DET1: variants seen among roughly 807,000 people sequenced by gnomAD.
The protein encoded by DET1 is DET1 partner of COP1 E3 ubiquitin ligase, also known as DET1 homolog.
DET1 carries 22 observed loss-of-function variants against 43.7 expected under a neutral mutation model. The observed-to-expected ratio is 0.50, with a 90% CI of 0.36 to 0.72. The LOEUF is 0.72. Ranked by LOEUF, DET1 falls within the 30% of genes least tolerant of loss-of-function variation. The probability of loss-of-function intolerance (pLI) is 0.00; values close to 1 mark genes in which losing one functional copy is unlikely to be tolerated. For missense variants in DET1, 713 were observed against 713.3 expected (o/e 1.00, Z 0.00); for synonymous variants, 315 against 266.2 (o/e 1.18, Z -1.79).
Position 88,512,576 on chromosome 15 carries a change from A to C in DET1, c.*375T>G. On this transcript the variant is annotated 3_prime_UTR_variant, in exon 5 of 5. Coordinates refer to ENST00000268148, the MANE Select transcript of DET1 (RefSeq NM_001144074.3). Reference sequence around the variant, plus strand: ...GGATGTATGTCATTCTCATCAGTAAACAAGATTTAACTGCTTTCAGATGCA... The same window carrying C: ...GGATGTATGTCATTCTCATCAGTAACCAAGATTTAACTGCTTTCAGATGCA... 3.0e-6 allele frequency: 3 copies of C among 1,011,618 alleles called. No individual in the cohort carries two copies. Among genetic ancestry groups the C allele is most frequent in the Non-Finnish European group, 3.5e-6 (3 of 846,892 alleles). 62.7% of individuals were successfully genotyped at this position (1,011,618 alleles called of 1,614,324 possible). A position where few individuals can be genotyped will look rare whatever the true frequency, so the allele number is the denominator to read the frequency against.
At chr15:88,541,987 G>T (rs979415395) in intron 1 of DET1, among the ~76,000 whole-genome samples, 41 of 152,148 alleles carry the variant, frequency 2.7e-4, no homozygotes, top group African/African-American at 9.2e-4. Context: ...TCCTCCAGGT[G>T]ATGAGCGCTC....
intron 2 of DET1, among the ~76,000 whole-genome samples, chr15:88,530,048 T>C (rs1434999255): frequency 6.6e-6 from 1 of 152,222 alleles, no homozygotes; most frequent in East Asian, 1.9e-4. Flanking sequence ...TTCACTGCTC[T>C]ACAACCTATG....
chr15:88,540,286 C>G (rs1403436080), intron 1 of DET1, among the ~76,000 whole-genome samples: 2 of 151,972 alleles, frequency 1.3e-5, no homozygotes, highest in Non-Finnish European at 2.9e-5. Context: ...GCCTCTAGTC[C>G]CCCTCCCTCA....
chr15:88,508,131 A>C (rs1023427089), downstream of DET1, among the ~76,000 whole-genome samples: 11 of 152,244 alleles, frequency 7.2e-5, no homozygotes, highest in African/African-American at 2.7e-4. Context: ...GTCTAGTTGC[A>C]GGAAAACAAG....
At chr15:88,528,801 C>T (rs2056736113) in intron 2 of DET1, among the ~76,000 whole-genome samples, 2 of 152,208 alleles carry the variant, frequency 1.3e-5, no homozygotes, top group African/African-American at 4.8e-5. Context: ...TTCGACCCAC[C>T]TGTTTTACTA....
chr15:88,517,196 T>G (rs1004351722), intron 3 of DET1, among the ~76,000 whole-genome samples: 9 of 151,736 alleles, frequency 5.9e-5, no homozygotes, highest in African/African-American at 2.2e-4. Flanking sequence ...AAACAACAAA[T>G]TACTTTAGAA....
chr15:88,509,107 A>G (rs2056171124), downstream of DET1, among the ~76,000 whole-genome samples: 1 of 152,220 alleles, frequency 6.6e-6, no homozygotes, highest in Non-Finnish European at 1.5e-5. Context: ...GCGAGTTCCC[A>G]CCTGATTCTA....
chr15:88,511,330 GCA>G (rs1216468667), downstream of DET1: 1 of 882,544 alleles, frequency 1.1e-6, no homozygotes, highest in Non-Finnish European at 1.4e-6. Context: ...CTAGCAACCT[GCA>G]CAAGACCTCT....
chr15:88,538,097 G>A (rs1452267521), intron 1 of DET1, among the ~76,000 whole-genome samples: 1 of 152,152 alleles, frequency 6.6e-6, no homozygotes, highest in Non-Finnish European at 1.5e-5. Context: ...GGTACTTTAT[G>A]GAACGAAAGA....
intron 3 of DET1, among the ~76,000 whole-genome samples, chr15:88,522,810 G>A (rs926024538): frequency 6.0e-5 from 9 of 151,142 alleles, no homozygotes; most frequent in Non-Finnish European, 1.2e-4. Flanking sequence ...GAGCCACCGC[G>A]CACCCGGCTG....
chr15:88,545,003 C>A (rs924461158), intron 1 of DET1, among the ~76,000 whole-genome samples: 31 of 152,050 alleles, frequency 2.0e-4, no homozygotes, highest in Non-Finnish European at 5.9e-5. Context: ...AAAAGAACTC[C>A]AAAATGTTGA....
In DET1 at chr15:88,504,953, A is replaced by G. The variant is rs1030967; in HGVS notation, c.*2066-966T>C. The G allele has an allele frequency of 0.69, 105,280 of 151,654 alleles. 36,778 individuals are homozygous for G. Among genetic ancestry groups the G allele is most frequent in the South Asian group, 0.84 (4,046 of 4,820 alleles). The allele number at this position is 151,654 out of a possible 1,614,324, so 9.4% of individuals were successfully genotyped here. On this transcript the variant is annotated intron_variant and NMD_transcript_variant, in intron 7 of 8. Coordinates refer to the DET1 transcript ENST00000557842. This position sits in a 1 kb window ranked among gnomAD's most constrained non-coding sequence, Gnocchi z 4.7. The stretch of plus-strand genomic sequence containing the variant: ...ATGCGTATAACAAATTTCTTTCTTC[A>G]TGACAGTCATTTCGCGTGTGCCTTC...
At chr15:88,542,684 C>T (rs1228745644) in intron 1 of DET1, among the ~76,000 whole-genome samples, 2 of 152,030 alleles carry the variant, frequency 1.3e-5, no homozygotes, top group Non-Finnish European at 2.9e-5. Context: ...CTGAAAAGGC[C>T]GCTGATAAAG....
intron 1 of DET1, among the ~76,000 whole-genome samples, chr15:88,533,432 T>C (rs879386766): frequency 6.6e-6 from 1 of 152,200 alleles, no homozygotes; most frequent in South Asian, 2.1e-4. Context: ...TACTTCTGGG[T>C]ATAAATCCAA....
intron 1 of DET1, among the ~76,000 whole-genome samples, chr15:88,536,770 C>CA (rs58177778): frequency 0.03 from 1,446 of 47,778 alleles, 34 homozygotes; most frequent in East Asian, 0.06. Flanking sequence ...GACTCCATCT[C>CA]AAAAAAAAAA....
intron 3 of DET1, among the ~76,000 whole-genome samples, chr15:88,525,918 C>T (rs2056651886): frequency 6.7e-6 from 1 of 150,306 alleles, no homozygotes; most frequent in Admixed American, 6.7e-5. Context: ...TCAAGCAATC[C>T]ACCTGGCTTG....
downstream of DET1, among the ~76,000 whole-genome samples, chr15:88,507,555 C>T (rs1409521952): frequency 6.6e-6 from 1 of 152,222 alleles, no homozygotes; most frequent in Non-Finnish European, 1.5e-5. Flanking sequence ...GTCCCATACT[C>T]TTTGCTAGTG....
At chr15:88,537,027 G>T (rs2056970617) in intron 1 of DET1, among the ~76,000 whole-genome samples, 1 of 152,028 alleles carries the variant, frequency 6.6e-6, no homozygotes, top group African/African-American at 2.4e-5. Context: ...TTCTGAAAAG[G>T]TTCCAAATGC....
intron 1 of DET1, chr15:88,532,049 C>A (rs2056829516): frequency 1.6e-5 from 3 of 183,936 alleles, no homozygotes; most frequent in Admixed American, 1.1e-4. Flanking sequence ...CACCTGTAAT[C>A]CCAACACTTT....
Sources: allele counts gnomAD v4.1 joint callset (sites outside exome capture counted in the v4.1 genomes callset), GRCh38; gene constraint gnomAD v4.1.1; non-coding constraint Gnocchi (gnomAD v3.1); transcripts MANE v1.5; gene names NCBI Gene and HGNC (gene_info 2026-07-23, HGNC 2026-07-21).